Variants in MLLT10 observed in about 807,000 individuals in gnomAD.
The protein encoded by MLLT10 is MLLT10 histone lysine methyltransferase DOT1L cofactor.
MLLT10 carries 30 observed loss-of-function variants against 129.1 expected under a neutral mutation model. That is an observed-to-expected ratio of 0.23 (90% CI 0.17 to 0.32). The LOEUF (loss-of-function observed/expected upper bound fraction) is 0.32, where lower values mean the gene tolerates loss of function less well. Among genes scored for constraint, MLLT10 ranks in the 10% least tolerant of loss-of-function variants. MLLT10 has a pLI of 1.00. For missense variants in MLLT10, 1,119 were observed against 1,268.3 expected (o/e 0.88, Z 1.79); for synonymous variants, 490 against 446.4 (o/e 1.10, Z -1.23).
intron 3 of MLLT10, among the ~76,000 whole-genome samples, chr10:21,580,608 T>G (rs2041306785): frequency 6.6e-6 from 1 of 152,102 alleles, no homozygotes; most frequent in Non-Finnish European, 1.5e-5. Flanking sequence ...GCCAGGATGG[T>G]CTCGATCTCC....
intron 3 of MLLT10, among the ~76,000 whole-genome samples, chr10:21,567,102 C>T (rs923172196): frequency 1.6e-4 from 24 of 152,166 alleles, no homozygotes; most frequent in African/African-American, 2.2e-4. Context: ...CGCGAGCCAC[C>T]GAGCCCGGCC....
intron 3 of MLLT10, among the ~76,000 whole-genome samples, chr10:21,584,454 C>T (rs1176272051): frequency 6.6e-5 from 10 of 152,112 alleles, no homozygotes; most frequent in African/African-American, 9.7e-5. Flanking sequence ...TGAGCCACCG[C>T]GCCCAGCCAA....
intron 11 of MLLT10, among the ~76,000 whole-genome samples, chr10:21,677,428 A>G (rs757450198): frequency 6.6e-6 from 1 of 152,306 alleles, no homozygotes; most frequent in Non-Finnish European, 1.5e-5. Context: ...ACCTCCTGCA[A>G]ATAAATACCC....
intron 13 of MLLT10, among the ~76,000 whole-genome samples, chr10:21,708,083 A>G (rs973289587): frequency 6.6e-6 from 1 of 152,210 alleles, no homozygotes; most frequent in Non-Finnish European, 1.5e-5. Context: ...AAATTCCCAG[A>G]GAGCTAAAAT....
intron 20 of MLLT10, among the ~76,000 whole-genome samples, chr10:21,734,729 T>C (rs755836803): frequency 7.2e-5 from 11 of 152,218 alleles, no homozygotes; most frequent in Non-Finnish European, 1.3e-4. Flanking sequence ...AGTTTTACCA[T>C]TGGGACCATT....
intron 3 of MLLT10, among the ~76,000 whole-genome samples, chr10:21,552,364 A>G (rs1002504369): frequency 2.7e-5 from 4 of 149,092 alleles, no homozygotes; most frequent in African/African-American, 9.9e-5. Context: ...CTATAAGACT[A>G]AATCTTTGTA....
At chr10:21,733,350 TTTC>T (rs748229246) in intron 18 of MLLT10, among the ~76,000 whole-genome samples, 151 bp from the exon 19 acceptor site, 5 of 152,226 alleles carry the variant, frequency 3.3e-5, no homozygotes, top group African/African-American at 9.6e-5. Flanking sequence ...TAGATTTTTT[TTTC>T]TTATTTAAAT....
chr10:21,665,477 A>G (rs1376240974), intron 9 of MLLT10, among the ~76,000 whole-genome samples: 1 of 151,444 alleles, frequency 6.6e-6, no homozygotes, highest in Non-Finnish European at 1.5e-5. Flanking sequence ...TAGTAGCTAC[A>G]GGGTTTCTCC....
intron 9 of MLLT10, 103 bp from the exon 10 acceptor site, chr10:21,670,344 TTG>T: frequency 9.2e-7 from 1 of 1,083,844 alleles, no homozygotes; most frequent in Non-Finnish European, 1.3e-6. Flanking sequence ...AACAGAAACT[TTG>T]TGTTTATTCT....
At chr10:21,534,619 T>A in intron 1 of MLLT10, 26 bp from the exon 2 acceptor site, 1 of 1,595,302 alleles carries the variant, frequency 6.3e-7, no homozygotes, top group Non-Finnish European at 8.6e-7. Context: ...ATGTGTTTTT[T>A]AATGGTCCCC....
intron 8 of MLLT10, among the ~76,000 whole-genome samples, chr10:21,641,484 A>G (rs982150381): frequency 6.6e-6 from 1 of 152,192 alleles, no homozygotes; most frequent in Non-Finnish European, 1.5e-5. Context: ...CCCTGTCTGT[A>G]TAGAAGAACA....
intron 16 of MLLT10, among the ~76,000 whole-genome samples, chr10:21,729,329 A>AAT (rs1564734772): frequency 6.6e-6 from 1 of 152,210 alleles, no homozygotes; most frequent in East Asian, 1.9e-4. Context: ...TTTGCTTAAT[A>AAT]TAGTTTTTCC....
chr10:21,737,950 G>A (rs1046651936), intron 21 of MLLT10, among the ~76,000 whole-genome samples: 1 of 152,202 alleles, frequency 6.6e-6, no homozygotes, highest in African/African-American at 2.4e-5. Context: ...GGTGTTAAAG[G>A]CACACTGCAT....
intron 10 of MLLT10, 49 bp from the exon 11 acceptor site, chr10:21,673,301 T>TGGCG: frequency 4.2e-6 from 1 of 237,942 alleles, no homozygotes; most frequent in Non-Finnish European, 6.5e-6. Flanking sequence ...AATTTTTCTG[T>TGGCG]CCCCCCCACC....
rs568052073 is a variant in MLLT10, at chr10:21,567,902, C to T, written c.241-18392C>T. ...TGGTGCGATCTCTGCTCACTGCAAC[C>T]TCCGCCTCCCGAGTTCAAGCAATTC... On this transcript the variant is annotated intron_variant, in intron 3 of 22. Coordinates refer to ENST00000307729, the MANE Select transcript of MLLT10 (RefSeq NM_001195626.3). 4.0e-5 allele frequency among the ~76,000 whole-genome samples: 6 copies of T among 151,774 alleles called. No homozygotes were observed. In the East Asian group the frequency reaches 9.7e-4, roughly 25 times the overall value.
intron 5 of MLLT10, 174 bp downstream of exon 5, chr10:21,595,614 G>A (rs1589143770): frequency 3.9e-6 from 2 of 507,988 alleles, no homozygotes; most frequent in East Asian, 5.8e-5. Context: ...AAGGTCACAG[G>A]AGTACAAAGC....
At chr10:21,596,897 G>A (rs1470459469) in intron 5 of MLLT10, among the ~76,000 whole-genome samples, 1 of 151,708 alleles carries the variant, frequency 6.6e-6, no homozygotes, top group African/African-American at 2.4e-5. Flanking sequence ...TTTGTTGTTG[G>A]GATTCTAGCA....
At chr10:21,705,244 G>T (rs2055381727) in intron 13 of MLLT10, among the ~76,000 whole-genome samples, 2 of 152,328 alleles carry the variant, frequency 1.3e-5, no homozygotes, top group South Asian at 4.1e-4. Context: ...GATGGTACAT[G>T]CAGATAGGTG....
intron 14 of MLLT10, among the ~76,000 whole-genome samples, chr10:21,725,923 TG>T (rs2057473133): frequency 1.3e-5 from 2 of 151,788 alleles, no homozygotes; most frequent in Admixed American, 6.6e-5. Context: ...GCTAATTTTT[TG>T]TATTTTTAGT....
Sources: gnomAD v4.1 joint callset for allele counts (sites outside exome capture counted in the v4.1 genomes callset) on GRCh38, gnomAD v4.1.1 for gene constraint, MANE v1.5 for transcripts, NCBI Gene and HGNC (gene_info 2026-07-23, HGNC 2026-07-21) for gene names.